The following PLAAT1 variants were observed in gnomAD, a reference collection of about 807,000 sequenced individuals.
PLAAT1 encodes the protein H-REV107 protein-related protein.
A neutral mutation model predicts 16.4 loss-of-function variants in PLAAT1; 13 were observed. That is an observed-to-expected ratio of 0.79 (90% CI 0.52 to 1.26). The LOEUF is 1.26. Ranked by LOEUF, PLAAT1 falls within the 50% of genes most tolerant of loss-of-function variation. PLAAT1 has a pLI of 0.00. For missense variants in PLAAT1, 218 were observed against 207.8 expected, an observed-to-expected ratio of 1.05 and a Z score of -0.30; for synonymous variants, 73 against 78.4, an observed-to-expected ratio of 0.93 and a Z score of 0.36.
chr3:193,259,844 C>G (rs1716517791), intron 2 of PLAAT1, among the ~76,000 whole-genome samples: 1 of 152,062 alleles, frequency 6.6e-6, no homozygotes, highest in South Asian at 2.1e-4. Flanking sequence ...GCTACCAATG[C>G]CATTCTTCAC....
At chr3:193,276,670 G>T (rs1247935849) in intron 2 of PLAAT1, 4 of 978,266 alleles carry the variant, frequency 4.1e-6, no homozygotes, top group East Asian at 2.4e-5. Context: ...CAAAGTGGTT[G>T]CTCTAGAAAA....
intron 1 of PLAAT1, among the ~76,000 whole-genome samples, chr3:193,253,345 T>G (rs564861933): frequency 6.6e-6 from 1 of 152,280 alleles, no homozygotes; most frequent in South Asian, 2.1e-4. Flanking sequence ...GTTAAATATA[T>G]TAGAATTTTA....
chr3:193,271,190 C>G (rs1385110297), downstream of PLAAT1, among the ~76,000 whole-genome samples: 1 of 151,916 alleles, frequency 6.6e-6, no homozygotes. Flanking sequence ...ATTTACAAGC[C>G]TTTTGGGGAA....
chr3:193,247,271 C>G (rs1023629672), intron 1 of PLAAT1, among the ~76,000 whole-genome samples: 9 of 152,168 alleles, frequency 5.9e-5, no homozygotes, highest in African/African-American at 2.2e-4. Flanking sequence ...CAGGTGCTTA[C>G]ACCAGATATT....
intron 1 of PLAAT1, among the ~76,000 whole-genome samples, chr3:193,250,548 C>T (rs888062102): frequency 1.3e-5 from 2 of 152,110 alleles, no homozygotes; most frequent in African/African-American, 2.4e-5. Flanking sequence ...TCTGTCAACT[C>T]CCAGACTAGG....
chr3:193,262,236 A>AGT (rs894039443), intron 2 of PLAAT1, among the ~76,000 whole-genome samples: 3 of 151,062 alleles, frequency 2.0e-5, no homozygotes, highest in African/African-American at 7.3e-5. Context: ...GCCAAGGTGG[A>AGT]GTGGTAGGGC....
At chr3:193,274,957 AGGG>A, downstream of PLAAT1, 3 of 1,519,920 alleles carry the variant, frequency 2.0e-6, no homozygotes, top group Non-Finnish European at 2.7e-6. Flanking sequence ...AGGAAAGGTA[AGGG>A]GAGAGTATCA....
At chr3:193,251,982 T>C (rs1383392006) in intron 1 of PLAAT1, among the ~76,000 whole-genome samples, 2 of 152,198 alleles carry the variant, frequency 1.3e-5, no homozygotes, top group African/African-American at 4.8e-5. Context: ...GTATTTTCTT[T>C]GGTGAAATTA....
Position 193,268,475 on chromosome 3 carries a change from A to G in PLAAT1, c.406-2129A>G, listed in dbSNP as rs368748225. Among the ~76,000 whole-genome samples, 20 of 152,356 alleles carry G rather than the reference A, an allele frequency of 1.3e-4. No homozygotes were observed. In the East Asian group the frequency reaches 3.3e-3, roughly 25 times the overall value. Reference sequence around the variant, plus strand: ...ATGGACAGAAAGCCCTCTAAAGGATAAAGAATGCAGAGTTGGATTTGGTGA... The same window carrying G: ...ATGGACAGAAAGCCCTCTAAAGGATGAAGAATGCAGAGTTGGATTTGGTGA... On this transcript the variant is annotated intron_variant, in intron 3 of 3. Coordinates refer to ENST00000264735, the MANE Select transcript of PLAAT1 (RefSeq NM_020386.5).
At chr3:193,255,904 ATAAATCCAAC>A (rs759136523) in intron 2 of PLAAT1, 115 bp downstream of exon 2, 37 of 1,006,618 alleles carry the variant, frequency 3.7e-5, no homozygotes, top group Non-Finnish European at 5.0e-5. Context: ...TAGAAAGCAG[ATAAATCCAAC>A]TAATCTAGGT....
chr3:193,268,850 T>TA (rs1326122600), intron 3 of PLAAT1, among the ~76,000 whole-genome samples: 1 of 152,180 alleles, frequency 6.6e-6, no homozygotes, highest in African/African-American at 2.4e-5. Context: ...GGCTGAAAGA[T>TA]ACCTAGTCAG....
chr3:193,258,246 G>A (rs1049649532), intron 2 of PLAAT1, among the ~76,000 whole-genome samples: 9 of 152,216 alleles, frequency 5.9e-5, no homozygotes, highest in Admixed American at 1.3e-4. Context: ...CAAAATCTTT[G>A]GGATGCGCCT....
downstream of PLAAT1, among the ~76,000 whole-genome samples, chr3:193,272,596 A>G (rs1717021077): frequency 6.6e-6 from 1 of 152,216 alleles, no homozygotes; most frequent in Non-Finnish European, 1.5e-5. Flanking sequence ...GAAGCAGGGG[A>G]ATTACTACAC....
chr3:193,257,487 A>G (rs781744422), intron 2 of PLAAT1, among the ~76,000 whole-genome samples: 2 of 152,208 alleles, frequency 1.3e-5, no homozygotes, highest in African/African-American at 4.8e-5. Flanking sequence ...AATAAAGTCA[A>G]AAAAACTGAA....
chr3:193,241,030 G>A, upstream of PLAAT1: 2 of 405,444 alleles, frequency 4.9e-6, no homozygotes, highest in East Asian at 4.2e-5. Context: ...AACTGGTTGC[G>A]CGGCGCTTTG....
chr3:193,246,931 A>T (rs947874585), intron 1 of PLAAT1, among the ~76,000 whole-genome samples: 1 of 152,068 alleles, frequency 6.6e-6, no homozygotes, highest in Non-Finnish European at 1.5e-5. Flanking sequence ...CTTGAGAAGG[A>T]TTGGTATTTC....
At chr3:193,241,850 G>T (rs932711043) in intron 1 of PLAAT1, among the ~76,000 whole-genome samples, 30 of 152,202 alleles carry the variant, frequency 2.0e-4, no homozygotes, top group African/African-American at 6.8e-4. Context: ...GTTGGATGGT[G>T]ATATTCCTTT....
intron 2 of PLAAT1, among the ~76,000 whole-genome samples, chr3:193,277,092 A>G (rs1211724509): frequency 6.6e-6 from 1 of 152,180 alleles, no homozygotes; most frequent in Middle Eastern, 3.2e-3. Context: ...TGTGCCCTGA[A>G]TCACAAATAC....
chr3:193,243,020 A>G (rs1050787727), intron 1 of PLAAT1, among the ~76,000 whole-genome samples: 5 of 152,190 alleles, frequency 3.3e-5, no homozygotes, highest in Admixed American at 6.5e-5. Flanking sequence ...GGCAGGGAAC[A>G]TTTATTTATT....
Sources: gnomAD v4.1 joint callset for allele counts (sites outside exome capture counted in the v4.1 genomes callset) on GRCh38, gnomAD v4.1.1 for gene constraint, MANE v1.5 for transcripts, NCBI Gene and HGNC (gene_info 2026-07-23, HGNC 2026-07-21) for gene names.